SGMS1: variants seen among roughly 807,000 people sequenced by gnomAD.
SGMS1 encodes sphingomyelin synthase 1.
Under a neutral mutation model 46.2 loss-of-function variants are expected in SGMS1, and 13 were observed. The observed-to-expected ratio is 0.28, with a 90% CI of 0.18 to 0.45. The LOEUF is 0.45. Among genes scored for constraint, SGMS1 ranks in the 20% least tolerant of loss-of-function variants. The probability of loss-of-function intolerance (pLI) is 1.00; values close to 1 mark genes in which losing one functional copy is unlikely to be tolerated. For synonymous variants in SGMS1, 203 were observed against 187.8 expected (o/e 1.08, Z -0.66); for missense variants, 324 against 519.9 (o/e 0.62, Z 3.66).
intron 3 of SGMS1, among the ~76,000 whole-genome samples, chr10:50,478,569 C>T (rs1564924488): frequency 6.6e-6 from 1 of 152,002 alleles, no homozygotes; most frequent in Non-Finnish European, 1.5e-5. Flanking sequence ...TTAATTGTAC[C>T]ATCCATTTTT....
chr10:50,336,857 C>A (rs1368947976), intron 7 of SGMS1, among the ~76,000 whole-genome samples: 1 of 152,144 alleles, frequency 6.6e-6, no homozygotes, highest in African/African-American at 2.4e-5. Flanking sequence ...TCAAATGATA[C>A]AATACACATT....
intron 6 of SGMS1, among the ~76,000 whole-genome samples, chr10:50,395,715 G>A (rs141753994): frequency 1.3e-5 from 2 of 152,250 alleles, no homozygotes; most frequent in African/African-American, 2.4e-5. Context: ...ATATTCTTAC[G>A]AGGAAAATGT....
intron 6 of SGMS1, among the ~76,000 whole-genome samples, chr10:50,427,200 A>C (rs924108979): frequency 2.0e-5 from 3 of 152,130 alleles, no homozygotes; most frequent in Non-Finnish European, 2.9e-5. Context: ...AGATAGAGAC[A>C]ATCCTGGCTA....
At chr10:50,393,186 A>G (rs1301830508) in intron 6 of SGMS1, among the ~76,000 whole-genome samples, 1 of 152,176 alleles carries the variant, frequency 6.6e-6, no homozygotes, top group Non-Finnish European at 1.5e-5. Context: ...CCATGCATAC[A>G]GCATTCCTTG....
intron 3 of SGMS1, among the ~76,000 whole-genome samples, chr10:50,478,618 AGAG>A (rs1204522305): frequency 3.9e-5 from 6 of 152,230 alleles, no homozygotes; most frequent in South Asian, 2.1e-4. Flanking sequence ...GAAAATCAAC[AGAG>A]GAGTTTTTTA....
chr10:50,340,930 A>C (rs1029085574), intron 7 of SGMS1, among the ~76,000 whole-genome samples: 2 of 152,210 alleles, frequency 1.3e-5, no homozygotes, highest in African/African-American at 4.8e-5. Context: ...GACTTTTAAA[A>C]TCAAAGTAAA....
intron 3 of SGMS1, among the ~76,000 whole-genome samples, chr10:50,495,660 G>A (rs1251418368): frequency 2.0e-5 from 3 of 152,066 alleles, no homozygotes; most frequent in Non-Finnish European, 4.4e-5. Flanking sequence ...TAAGTAGGGG[G>A]CTGGCTAAAA....
chr10:50,507,109 T>C (rs1024991361), intron 3 of SGMS1, among the ~76,000 whole-genome samples: 9 of 152,152 alleles, frequency 5.9e-5, no homozygotes, highest in Admixed American at 5.2e-4. Context: ...ACACAGCCCA[T>C]TGGTAGCTAG....
At position 50,402,169 on chromosome 10, in the gene SGMS1, T is replaced by C. The variant is rs188813366; in HGVS notation, c.-232+31307A>G. Among the ~76,000 whole-genome samples the C allele has an allele frequency of 1.1e-4, 16 of 152,338 alleles. No individual in the cohort carries two copies. The East Asian group carries it at 2.1e-3, about 20-fold the overall frequency. Reference sequence around the variant, plus strand: ...CCATCAATTACTGCATCAGTCCGCATTGAAATGGATGCGTAATAAGCATCA... The same window carrying C: ...CCATCAATTACTGCATCAGTCCGCACTGAAATGGATGCGTAATAAGCATCA... On this transcript the variant is annotated intron_variant, in intron 6 of 10. Coordinates refer to ENST00000361781, the MANE Select transcript of SGMS1 (RefSeq NM_147156.4).
At chr10:50,557,868 T>G (rs1838201512) in intron 2 of SGMS1, among the ~76,000 whole-genome samples, 1 of 152,218 alleles carries the variant, frequency 6.6e-6, no homozygotes, top group Non-Finnish European at 1.5e-5. Context: ...TGGGGAATTA[T>G]TTCCCAACTG....
chr10:50,541,662 G>A (rs2983357), intron 2 of SGMS1, among the ~76,000 whole-genome samples: 26,414 of 152,036 alleles, frequency 0.17, 2,978 homozygotes, highest in Non-Finnish European at 0.26. Context: ...CAAGATCCTC[G>A]AAAATGGAAT....
At chr10:50,442,419 G>GT (rs1849557856) in intron 5 of SGMS1, among the ~76,000 whole-genome samples, 1 of 151,460 alleles carries the variant, frequency 6.6e-6, no homozygotes. Context: ...GCTCCCACTT[G>GT]TAAGTGAGAA....
At chr10:50,577,919 A>G (rs1838399657) in intron 2 of SGMS1, among the ~76,000 whole-genome samples, 1 of 152,208 alleles carries the variant, frequency 6.6e-6, no homozygotes, top group African/African-American at 2.4e-5. Context: ...AATCAGCGCC[A>G]GGGCCAGAAA....
At chr10:50,364,706 T>C (rs1346961541) in intron 6 of SGMS1, among the ~76,000 whole-genome samples, 1 of 152,170 alleles carries the variant, frequency 6.6e-6, no homozygotes, top group Non-Finnish European at 1.5e-5. Flanking sequence ...AAAATAATCG[T>C]TCCCTCCAGC....
chr10:50,595,344 G>A (rs762457828), intron 1 of SGMS1, among the ~76,000 whole-genome samples: 58 of 151,948 alleles, frequency 3.8e-4, no homozygotes, highest in Non-Finnish European at 6.9e-4. Context: ...CCTGGCTAAC[G>A]TTTTTGTGCT....
intron 6 of SGMS1, among the ~76,000 whole-genome samples, chr10:50,416,809 C>A (rs1226326567): frequency 8.7e-6 from 1 of 114,780 alleles, no homozygotes; most frequent in Non-Finnish European, 1.7e-5. Flanking sequence ...GAAGTGGTTT[C>A]TTTCTAGGGA....
chr10:50,468,022 G>C (rs569131982), intron 3 of SGMS1, among the ~76,000 whole-genome samples: 53 of 152,238 alleles, frequency 3.5e-4, no homozygotes, highest in African/African-American at 1.1e-3. Context: ...GGGAGAGAAG[G>C]GAGTGGGGAG....
At chr10:50,379,796 T>G (rs1157116954) in intron 6 of SGMS1, among the ~76,000 whole-genome samples, 1 of 152,162 alleles carries the variant, frequency 6.6e-6, no homozygotes, top group African/African-American at 2.4e-5. Flanking sequence ...TTCTAGAGAT[T>G]TCTACTCCCA....
intron 5 of SGMS1, among the ~76,000 whole-genome samples, chr10:50,436,787 A>G (rs549144933): frequency 7.5e-6 from 1 of 133,332 alleles, no homozygotes; most frequent in South Asian, 2.3e-4. Context: ...AGTTGTGGGA[A>G]AAGTTCCTGT....
Sources: gnomAD v4.1 joint callset for allele counts (sites outside exome capture counted in the v4.1 genomes callset) on GRCh38, gnomAD v4.1.1 for gene constraint, MANE v1.5 for transcripts, NCBI Gene and HGNC (gene_info 2026-07-23, HGNC 2026-07-21) for gene names.